The following C2orf66 variants were observed in gnomAD, a reference collection of about 807,000 sequenced individuals.
C2orf66 encodes the protein uncharacterized protein C2orf66.
Under a neutral mutation model 7.0 loss-of-function variants are expected in C2orf66, and 6 were observed. That is an observed-to-expected ratio of 0.86 (90% confidence interval 0.47 to 1.69). The LOEUF (loss-of-function observed/expected upper bound fraction) is 1.69, where lower values mean the gene tolerates loss of function less well. Among genes scored for constraint, C2orf66 ranks in the 40% most tolerant of loss-of-function variants. The probability of loss-of-function intolerance (pLI) is 0.01; values close to 1 mark genes in which losing one functional copy is unlikely to be tolerated. For missense variants in C2orf66, 107 were observed against 112.0 expected (o/e 0.96, Z 0.20); for synonymous variants, 38 against 43.8 (o/e 0.87, Z 0.52).
At chr2:196,827,470 C>T in the C2orf66 span, among the ~76,000 whole-genome samples, 52 of 151,532 alleles carry the variant, frequency 3.4e-4, no homozygotes, top group African/African-American at 1.0e-3. Flanking sequence ...TAAATTTCCT[C>T]CTCTTCCCTC....
the C2orf66 span, among the ~76,000 whole-genome samples, chr2:196,821,967 G>A: frequency 1.1e-5 from 1 of 92,466 alleles, no homozygotes; most frequent in African/African-American, 4.2e-5. Context: ...TTTTGAGACA[G>A]AGTCTTGGCA....
Position 196,804,739 on chromosome 2 carries a change from C to T in C2orf66, c.*689G>A, listed in dbSNP as rs375155822. Among the ~76,000 whole-genome samples the T allele has an allele frequency of 1.3e-5, 2 of 152,168 alleles. No homozygotes were observed. The highest frequency in any genetic ancestry group is 2.9e-5 in the Non-Finnish European group (2 of 68,034). On this transcript the variant is annotated 3_prime_UTR_variant, in exon 3 of 3. Coordinates refer to ENST00000342506, the MANE Select transcript of C2orf66 (RefSeq NM_213608.3). ...GAGGTTGTGTATGAGAGCAAGGGCT[C>T]GGGCATTGCTAGAATATTTGATGTG...
In C2orf66 at chr2:196,804,709, CT is replaced by C. The variant is rs1216492642; in HGVS notation, c.*718del. Among the ~76,000 whole-genome samples the C allele has an allele frequency of 6.6e-6, 1 of 152,174 alleles. No individual in the cohort carries two copies. The highest frequency in any genetic ancestry group is 6.5e-5 in the Admixed American group (1 of 15,274). On this transcript the variant is annotated 3_prime_UTR_variant, in exon 3 of 3. Transcript: ENST00000342506. ...AATCACCTGTTTCTACTTTTCCTTC[CT>C]GAGGAGGTTGTGTATGAGAGCAAGG...
the C2orf66 span, among the ~76,000 whole-genome samples, chr2:196,825,997 G>A: frequency 1.3e-4 from 20 of 152,102 alleles, no homozygotes; most frequent in African/African-American, 4.8e-4. Context: ...TCTAACCAGT[G>A]TAACTACCAC....
At chr2:196,820,517 A>G in the C2orf66 span, among the ~76,000 whole-genome samples, 1 of 152,342 alleles carries the variant, frequency 6.6e-6, no homozygotes, top group South Asian at 2.1e-4. Context: ...AATACATACT[A>G]TGTGTCAGGG....
the C2orf66 span, among the ~76,000 whole-genome samples, chr2:196,818,175 T>C: frequency 4.3e-4 from 65 of 152,296 alleles, no homozygotes; most frequent in East Asian, 0.012. Context: ...AGTCCCTCCA[T>C]TCGGGGTCCC....
the C2orf66 span, among the ~76,000 whole-genome samples, chr2:196,829,024 T>C: frequency 7.2e-5 from 11 of 152,296 alleles, no homozygotes; most frequent in East Asian, 2.1e-3. Context: ...AAAATTGTAG[T>C]CTTTTGTTAT....
chr2:196,805,646 A>T (rs915712120), intron 2 of C2orf66, among the ~76,000 whole-genome samples: 1 of 152,034 alleles, frequency 6.6e-6, no homozygotes, highest in African/African-American at 2.4e-5. Context: ...TGGGTGCTTT[A>T]TCAGTTTCCT....
upstream of C2orf66, among the ~76,000 whole-genome samples, chr2:196,813,023 T>G (rs1699891105): frequency 6.6e-6 from 1 of 152,148 alleles, no homozygotes; most frequent in Non-Finnish European, 1.5e-5. Context: ...ATTTATAGAT[T>G]CAATGCTATT....
rs1027592328 is a variant in C2orf66 at position 196,805,140 on chromosome 2, T to C, written c.*288A>G. 1.3e-5 allele frequency: 2 copies of C among 152,212 alleles called. No homozygotes were observed. Among genetic ancestry groups the C allele is most frequent in the Non-Finnish European group, 2.9e-5 (2 of 68,040 alleles). The allele number at this position is 152,212 out of a possible 1,614,324, so 9.4% of individuals were successfully genotyped here. A position where few individuals can be genotyped will look rare whatever the true frequency, so the allele number is the denominator to read the frequency against. ...AACATCTAATTTAGATTATAATCTT[T>C]TTTCAGTTTGTGATGTTTTTGTAAC... On this transcript the variant is annotated 3_prime_UTR_variant, in exon 3 of 3. Coordinates refer to ENST00000342506, the MANE Select transcript of C2orf66 (RefSeq NM_213608.3).
At chr2:196,809,108 T>C in intron 1 of C2orf66, 106 bp downstream of exon 1, 3 of 1,239,494 alleles carry the variant, frequency 2.4e-6, no homozygotes, top group Non-Finnish European at 3.4e-6. Context: ...TTCTCAACCC[T>C]TGGTAGCCCC....
At chr2:196,831,735 C>G in the C2orf66 span, among the ~76,000 whole-genome samples, 1 of 152,188 alleles carries the variant, frequency 6.6e-6, no homozygotes, top group African/African-American at 2.4e-5. Context: ...TCCTAGCACA[C>G]AAGTCCCTTC....
At chr2:196,807,945 T>A (rs1446396268) in intron 1 of C2orf66, among the ~76,000 whole-genome samples, 2 of 152,244 alleles carry the variant, frequency 1.3e-5, no homozygotes, top group Admixed American at 6.5e-5. Flanking sequence ...ATGAACTCCA[T>A]AATAAGCAGC....
chr2:196,823,626 C>CAAACAAAACA, the C2orf66 span, among the ~76,000 whole-genome samples: 1,840 of 150,466 alleles, frequency 0.012, 38 homozygotes, highest in African/African-American at 0.041. Context: ...GACCCTGTCT[C>CAAACAAAACA]AAACAAAACA....
chr2:196,820,850 A>C, the C2orf66 span, among the ~76,000 whole-genome samples: 1 of 152,232 alleles, frequency 6.6e-6, no homozygotes, highest in Non-Finnish European at 1.5e-5. Context: ...ATGAGACCTT[A>C]GAAGATATGG....
chr2:196,827,031 C>CAA, the C2orf66 span, among the ~76,000 whole-genome samples: 1 of 146,934 alleles, frequency 6.8e-6, no homozygotes, highest in African/African-American at 2.7e-5. Flanking sequence ...GACTCTGTCT[C>CAA]AAAAACAAAA....
chr2:196,822,165 G>C, the C2orf66 span, among the ~76,000 whole-genome samples: 1 of 151,424 alleles, frequency 6.6e-6, no homozygotes, highest in South Asian at 2.1e-4. Context: ...TGCCCGCCTT[G>C]GCCTCCCAAA....
the C2orf66 span, among the ~76,000 whole-genome samples, chr2:196,825,072 A>G: frequency 1.3e-5 from 2 of 151,988 alleles, no homozygotes; most frequent in Admixed American, 1.3e-4. Context: ...CATCTCTACT[A>G]AAAATACAAA....
upstream of C2orf66, chr2:196,809,568 G>T: frequency 2.0e-6 from 1 of 496,228 alleles, no homozygotes; most frequent in Non-Finnish European, 3.6e-6. Context: ...TAATGAGAAT[G>T]TTATACAGTG....
Sources: allele counts gnomAD v4.1 joint callset (sites outside exome capture counted in the v4.1 genomes callset), GRCh38; gene constraint gnomAD v4.1.1; transcripts MANE v1.5; gene names NCBI Gene and HGNC (gene_info 2026-07-23, HGNC 2026-07-21).